Variants in CA11 observed in about 807,000 individuals in gnomAD.
CA11 encodes carbonic anhydrase 11 (inactive).
In CA11, 20 loss-of-function variants were observed where a neutral mutation model predicts 39.3. The observed-to-expected ratio is 0.51, with a 90% CI of 0.36 to 0.74. CA11 has a LOEUF of 0.74. CA11 is among the 30% of genes least tolerant of loss of function. CA11 has a pLI of 0.00. For synonymous variants in CA11, 166 were observed against 172.5 expected (o/e 0.96, Z 0.29); for missense variants, 336 against 424.6 (o/e 0.79, Z 1.83).
intron 1 of CA11, 28 bp downstream of exon 1, chr19:48,645,538 G>A: frequency 6.3e-7 from 1 of 1,597,478 alleles, no homozygotes; most frequent in Non-Finnish European, 8.5e-7. Context: ...CTCCCTCGGG[G>A]GCTCCTCCCG....
intron 5 of CA11, 46 bp downstream of exon 5, chr19:48,639,742 C>T (rs774290568): frequency 6.3e-7 from 1 of 1,597,910 alleles, no homozygotes; most frequent in Non-Finnish European, 8.6e-7. Context: ...ACCCCGGGTT[C>T]CAGGCACCCA....
intron 3 of CA11, 92 bp from the exon 4 acceptor site, chr19:48,640,372 T>C: frequency 1.1e-6 from 1 of 908,104 alleles, no homozygotes; most frequent in Non-Finnish European, 1.6e-6. Context: ...ACAGTCTTTT[T>C]TTTTTTTTTT....
In CA11 at chr19:48,639,385, C is replaced by A; in HGVS notation, c.715G>T (p.Gly239Cys). Residue 239 changes from glycine to cysteine, a missense_variant, in exon 7 of 9, where the codon GGC becomes TGC. Physicochemically the swap from Gly to Cys is radical, Grantham distance 159. Transcript: ENST00000084798. ...PESFGFITYQ[G>C]SLSTPPCSET... ...GAGCAGGGCGGGGTGCTGAGAGAGC[C>A]CTGATAGGTGATGAAGCCGAAGGAT... 1 of 1,613,682 alleles carries A rather than the reference C, an allele frequency of 6.2e-7. No homozygotes were observed. Among genetic ancestry groups the A allele is most frequent in the Non-Finnish European group, 8.5e-7 (1 of 1,179,928 alleles).
In CA11 at chr19:48,639,590, C is replaced by G; in HGVS notation, c.599G>C (p.Arg200Pro). 6.2e-7 allele frequency: 1 copy of G among 1,613,890 alleles called. No individual in the cohort carries two copies. The highest frequency in any genetic ancestry group is 2.2e-5 in the East Asian group (1 of 44,868). Residue 200 changes from arginine (R) to proline (P), a missense_variant, in exon 6 of 9, where the codon CGC becomes CCC. Transcript: ENST00000084798. ...VASTSNPFLS[R>P]LLNRDTITRI... is the part of the protein sequence containing the mutation. ...AGTGATGGTGTCGCGGTTAAGGAGGCGACTGAGGAATGGGTTAGAGGTACT... is the reference window on the plus strand; with the variant it reads ...AGTGATGGTGTCGCGGTTAAGGAGGGGACTGAGGAATGGGTTAGAGGTACT...
rs1025607130 is a variant in CA11 at position 48,639,871 on chromosome 19, G to A, written c.484C>T (p.His162Tyr). 1 of 1,614,056 alleles carries A rather than the reference G, an allele frequency of 6.2e-7. No homozygotes were observed. The highest frequency in any genetic ancestry group is 8.5e-7 in the Non-Finnish European group (1 of 1,179,930). The change falls in exon 5 of 9, where the codon CAC becomes TAC. Residue 162 changes from histidine (H) to tyrosine (Y), a missense_variant. Physicochemically the swap from His to Tyr is moderately conservative, Grantham distance 83. Coordinates refer to ENST00000084798, the MANE Select transcript of CA11 (RefSeq NM_001217.5). Reference protein sequence around the residue: ...QGFSAEVQLIHFNQELYGNFS... With the variant: ...QGFSAEVQLIYFNQELYGNFS... ...TTCCCGTAGAGTTCCTGGTTGAAGT[G>A]AATGAGCTGCACCTGGGGGTAGCAC...
At chr19:48,644,286 C>T in intron 3 of CA11, 141 bp downstream of exon 3, 3 of 597,838 alleles carry the variant, frequency 5.0e-6, no homozygotes, top group South Asian at 3.7e-5. Flanking sequence ...ATCCATTTTA[C>T]AGTGTAAGCA....
intron 8 of CA11, 40 bp from the exon 9 acceptor site, chr19:48,638,184 G>T: frequency 8.2e-7 from 1 of 1,222,354 alleles, no homozygotes; most frequent in Non-Finnish European, 1.1e-6. Flanking sequence ...GTCAGTATAG[G>T]ATGGAAGGGG....
chr19:48,642,250 G>A (rs998454278), intron 3 of CA11, among the ~76,000 whole-genome samples: 1 of 152,186 alleles, frequency 6.6e-6, no homozygotes, highest in Non-Finnish European at 1.5e-5. Context: ...TGTAATCCCA[G>A]CACTTCGGGA....
chr19:48,639,321 T>C lies in CA11; in HGVS notation c.779A>G (p.Asn260Ser). The change falls in exon 7 of 9, where the codon AAT becomes AGT. Residue 260 changes from asparagine (N) to serine (S), a missense_variant. Physicochemically the swap from Asn to Ser is conservative, Grantham distance 46. Transcript: ENST00000084798. ...GAGGGTCACCTGAAGGGAGGTGATATTGAGGGCCCGGTCAATGAGGATCCA... is the reference window on the plus strand; with the variant it reads ...GAGGGTCACCTGAAGGGAGGTGATACTGAGGGCCCGGTCAATGAGGATCCA... ...VTWILIDRAL[N>S]ITSLQMHSLR... 2 of 1,613,344 alleles carry C rather than the reference T, an allele frequency of 1.2e-6. No individual in the cohort carries two copies. The highest frequency in any genetic ancestry group is 1.1e-5 in the South Asian group (1 of 91,060).
intron 2 of CA11, 22 bp from the exon 3 acceptor site, chr19:48,644,591 G>A: frequency 1.3e-6 from 2 of 1,529,514 alleles, no homozygotes; most frequent in Non-Finnish European, 1.8e-6. Flanking sequence ...GTCGGAGTAG[G>A]AGGACAAGGA....
chr19:48,642,511 A>G (rs2031119876), intron 3 of CA11, among the ~76,000 whole-genome samples: 1 of 152,228 alleles, frequency 6.6e-6, no homozygotes, highest in African/African-American at 2.4e-5. Context: ...AAAATAAAAT[A>G]AAATAAAAAT....
intron 8 of CA11, among the ~76,000 whole-genome samples, chr19:48,638,602 A>G (rs2030936949): frequency 6.6e-6 from 1 of 152,150 alleles, no homozygotes; most frequent in Admixed American, 6.5e-5. Context: ...TAGGAAGCAC[A>G]GAACAGTAGG....
intron 8 of CA11, chr19:48,638,388 T>G (rs1482334669): frequency 0.11 from 5,444 of 50,044 alleles, 1 homozygote; most frequent in Admixed American, 0.17. Context: ...GGGGGGGGGG[T>G]GTGGACTGTA....
At position 48,643,138 on chromosome 19, in the gene CA11, C is replaced by A. The variant is rs1381798419; in HGVS notation, c.285+1289G>T. Among the ~76,000 whole-genome samples the A allele has an allele frequency of 1.3e-5, 2 of 151,458 alleles. No homozygotes were observed. Among genetic ancestry groups the A allele is most frequent in the African/African-American group, 4.9e-5 (2 of 41,140 alleles). On this transcript the variant is annotated intron_variant, in intron 3 of 8. Transcript: ENST00000084798. The surrounding 1 kb of genome is among the most constrained non-coding windows in gnomAD (Gnocchi z 4.3). ...GGCTTCTTCCTTCCTTTCCTTCCTT[C>A]CCTTCCTTCCTTCCTTCTCTCTTTC...
chr19:48,638,373 ATG>A, intron 8 of CA11: 6 of 32,292 alleles, frequency 1.9e-4, no homozygotes, highest in Non-Finnish European at 1.8e-4. Flanking sequence ...GAAGGTCTTC[ATG>A]GGGGGGGGGG....
At chr19:48,644,396 G>A (rs764995230) in intron 3 of CA11, 31 bp downstream of exon 3, 6 of 1,539,202 alleles carry the variant, frequency 3.9e-6, no homozygotes, top group Non-Finnish European at 5.3e-6. Flanking sequence ...TCCCCAGTGG[G>A]TTCAATAGCT....
chr19:48,639,224 G>A, intron 7 of CA11, 81 bp downstream of exon 7: 2 of 1,565,232 alleles, frequency 1.3e-6, no homozygotes, highest in Admixed American at 1.7e-5. Flanking sequence ...TGAGGAGAGG[G>A]AGGGCAGGTG....
intron 7 of CA11, 37 bp downstream of exon 7, chr19:48,639,267 AC>A (rs1366618767): frequency 5.0e-6 from 8 of 1,607,690 alleles, no homozygotes; most frequent in Non-Finnish European, 6.8e-6. Context: ...TGAGTGGAGT[AC>A]CCAGGCCTAG....
chr19:48,638,411 G>T, intron 8 of CA11: 1 of 953,752 alleles, frequency 1.0e-6, no homozygotes, highest in Non-Finnish European at 1.3e-6. Flanking sequence ...ATGTTGCGAA[G>T]CCGGGGGTGT....
Sources: gnomAD v4.1 joint callset for allele counts (sites outside exome capture counted in the v4.1 genomes callset) on GRCh38, gnomAD v4.1.1 for gene constraint, Gnocchi (gnomAD v3.1) non-coding constraint, MANE v1.5 for transcripts, NCBI Gene and HGNC (gene_info 2026-07-23, HGNC 2026-07-21) for gene names.